PCDHA10: variants seen among roughly 807,000 people sequenced by gnomAD.
PCDHA10 encodes protocadherin alpha-10.
PCDHA10 carries 45 observed loss-of-function variants against 61.2 expected under a neutral mutation model. That is an observed-to-expected ratio of 0.74 (90% confidence interval 0.58 to 0.94). The LOEUF (loss-of-function observed/expected upper bound fraction) is 0.94. Ranked by LOEUF, PCDHA10 falls within the 40% of genes least tolerant of loss-of-function variation. PCDHA10 has a pLI of 0.00. For missense variants in PCDHA10, 1,278 were observed against 1,236.2 expected, an observed-to-expected ratio of 1.03 and a Z score of -0.51; for synonymous variants, 602 against 548.8, an observed-to-expected ratio of 1.10 and a Z score of -1.35.
chr5:140,948,496 A>C (rs1258443825), intron 1 of PCDHA10, among the ~76,000 whole-genome samples: 1 of 151,522 alleles, frequency 6.6e-6, no homozygotes, highest in African/African-American at 2.4e-5. Context: ...TCTTTCATAG[A>C]CTTTCTATTA....
At chr5:140,968,519 A>C (rs1030847582) in intron 1 of PCDHA10, 1 of 1,614,008 alleles carries the variant, frequency 6.2e-7, no homozygotes, top group African/African-American at 1.3e-5. Flanking sequence ...CCCTACCTCA[A>C]CCAACTCGTC....
intron 3 of PCDHA10, among the ~76,000 whole-genome samples, chr5:140,996,311 G>T (rs191577867): frequency 2.6e-5 from 4 of 152,184 alleles, no homozygotes; most frequent in African/African-American, 7.2e-5. Context: ...ACAAAGTAAG[G>T]GGGGAGGGTA....
At chr5:140,905,251 A>G (rs1382207700) in intron 1 of PCDHA10, among the ~76,000 whole-genome samples, 4 of 152,174 alleles carry the variant, frequency 2.6e-5, no homozygotes, top group East Asian at 1.9e-4. Context: ...ATTCTTCCAC[A>G]TGAGGCTTGG....
intron 1 of PCDHA10, among the ~76,000 whole-genome samples, chr5:140,965,094 A>G (rs1289535686): frequency 6.6e-6 from 1 of 152,236 alleles, no homozygotes; most frequent in Non-Finnish European, 1.5e-5. Context: ...TCCAGTCCAT[A>G]GCTAGAAAAT....
At chr5:140,927,064 C>T (rs1409465902) in intron 1 of PCDHA10, 2 of 1,611,234 alleles carry the variant, frequency 1.2e-6, no homozygotes, top group Admixed American at 1.7e-5. Flanking sequence ...CTTTCGCTTC[C>T]TTTCCAGCCA....
intron 1 of PCDHA10, chr5:140,927,477 G>A: frequency 6.2e-7 from 1 of 1,614,118 alleles, no homozygotes; most frequent in Non-Finnish European, 8.5e-7. Flanking sequence ...ATCGCGAACA[G>A]CGCGCCACCC....
At chr5:140,944,077 G>A (rs913476675) in intron 1 of PCDHA10, among the ~76,000 whole-genome samples, 1 of 152,204 alleles carries the variant, frequency 6.6e-6, no homozygotes, top group Non-Finnish European at 1.5e-5. Context: ...TAAAGATAAA[G>A]GAGGCCTGAG....
intron 1 of PCDHA10, among the ~76,000 whole-genome samples, chr5:140,878,324 A>C (rs1298317950): frequency 4.6e-5 from 7 of 152,210 alleles, no homozygotes; most frequent in Admixed American, 1.3e-4. Context: ...TTTTCACATT[A>C]TATTCCAGGT....
chr5:140,859,468 C>T, intron 1 of PCDHA10: 1 of 211,932 alleles, frequency 4.7e-6, no homozygotes, highest in Non-Finnish European at 9.2e-6. Flanking sequence ...ACTACACTAT[C>T]AATTGTGTTT....
chr5:140,943,257 C>CA (rs1238620023), intron 1 of PCDHA10, among the ~76,000 whole-genome samples: 3,333 of 76,804 alleles, frequency 0.043, 169 homozygotes, highest in Admixed American at 0.1. Context: ...GACTCTGTCT[C>CA]AAAAAAAAAA....
intron 3 of PCDHA10, among the ~76,000 whole-genome samples, chr5:141,007,388 TAAAATAC>T (rs1451350698): frequency 1.5e-5 from 1 of 67,196 alleles, no homozygotes; most frequent in Non-Finnish European, 2.7e-5. Context: ...CCATCTCTAC[TAAAATAC>T]AAAAAAAAAA....
chr5:140,973,329 G>A (rs1303671094), intron 1 of PCDHA10, among the ~76,000 whole-genome samples: 6 of 152,112 alleles, frequency 3.9e-5, no homozygotes, highest in Non-Finnish European at 7.3e-5. Flanking sequence ...GTTTACACTC[G>A]TTGTAAAGTG....
intron 3 of PCDHA10, among the ~76,000 whole-genome samples, chr5:140,993,020 C>G (rs2097537480): frequency 6.6e-6 from 1 of 152,192 alleles, no homozygotes; most frequent in African/African-American, 2.4e-5. Flanking sequence ...TCCAGCATCC[C>G]CTGTGGGCTC....
intron 1 of PCDHA10, among the ~76,000 whole-genome samples, chr5:140,941,255 C>CTTTCTTTCTCTT (rs782490896): frequency 9.0e-5 from 4 of 44,506 alleles, no homozygotes; most frequent in Non-Finnish European, 1.5e-4. Flanking sequence ...TTCTTTCTTT[C>CTTTCTTTCTCTT]TCTTTCTTTC....
At chr5:140,875,130 C>T (rs2055283720) in intron 1 of PCDHA10, among the ~76,000 whole-genome samples, 1 of 151,894 alleles carries the variant, frequency 6.6e-6, no homozygotes, top group Admixed American at 6.6e-5. Context: ...TAACTAAACC[C>T]GCATTTATAA....
intron 1 of PCDHA10, among the ~76,000 whole-genome samples, chr5:140,972,821 G>A (rs372160406): frequency 3.3e-5 from 5 of 152,010 alleles, no homozygotes; most frequent in East Asian, 3.9e-4. Flanking sequence ...GCGCCACCAC[G>A]CCTGGCTAAT....
rs79233681 is a variant in PCDHA10 at position 140,965,822 on chromosome 5, A to T, written c.2389-13127A>T. Among the ~76,000 whole-genome samples the T allele has an allele frequency of 5.2e-3, 789 of 152,324 alleles. 9 individuals are homozygous for T. The highest frequency in any genetic ancestry group is 0.018 in the African/African-American group (747 of 41,576). On this transcript the variant is annotated intron_variant, in intron 1 of 3. Coordinates refer to ENST00000307360, the MANE Select transcript of PCDHA10 (RefSeq NM_018901.4). The stretch of plus-strand genomic sequence containing the variant: ...TTTTTTTAAACAGAGCATTTTAAAC[A>T]TTTAAATATTGGTTATTTGCCAAGG...
chr5:140,938,034 A>G (rs541380016), intron 1 of PCDHA10, among the ~76,000 whole-genome samples: 2 of 152,160 alleles, frequency 1.3e-5, no homozygotes, highest in South Asian at 4.2e-4. Flanking sequence ...TCATATTTTT[A>G]TATTTTGGGT....
At chr5:140,875,779 A>G (rs1174243985) in intron 1 of PCDHA10, 1 of 1,614,194 alleles carries the variant, frequency 6.2e-7, no homozygotes, top group Non-Finnish European at 8.5e-7. Context: ...CGCGGAGTGC[A>G]GTATCCACCT....
Sources: gnomAD v4.1 joint callset for allele counts (sites outside exome capture counted in the v4.1 genomes callset) on GRCh38, gnomAD v4.1.1 for gene constraint, MANE v1.5 for transcripts, NCBI Gene and HGNC (gene_info 2026-07-23, HGNC 2026-07-21) for gene names.